The following TRAPPC9 variants were observed in gnomAD, a reference collection of about 807,000 sequenced individuals.
TRAPPC9 encodes the protein trafficking protein particle complex subunit 9, also known as IKK2 binding protein.
A neutral mutation model predicts 124.0 loss-of-function variants in TRAPPC9; 83 were observed. The observed-to-expected ratio is 0.67, with a 90% CI of 0.56 to 0.80. The LOEUF is 0.80. Ranked by LOEUF, TRAPPC9 falls within the 30% of genes least tolerant of loss-of-function variation. The probability of loss-of-function intolerance (pLI) is 0.00; values close to 1 mark genes in which losing one functional copy is unlikely to be tolerated. For synonymous variants in TRAPPC9, 638 were observed against 617.5 expected, an observed-to-expected ratio of 1.03 and a Z score of -0.49; for missense variants, 1,302 against 1,508.3, an observed-to-expected ratio of 0.86 and a Z score of 2.27.
chr8:140,454,765 C>T (rs1300229722), intron 1 of TRAPPC9, among the ~76,000 whole-genome samples: 2 of 151,562 alleles, frequency 1.3e-5, no homozygotes, highest in Non-Finnish European at 2.9e-5. Flanking sequence ...ATGGCAAAAC[C>T]CTTTCTCTAC....
intron 21 of TRAPPC9, among the ~76,000 whole-genome samples, chr8:139,759,912 G>C (rs887970584): frequency 1.3e-5 from 2 of 152,198 alleles, no homozygotes; most frequent in African/African-American, 4.8e-5. Context: ...TCCCAGACCA[G>C]TGCCCACCCA....
At chr8:140,050,256 C>T (rs1841903988) in intron 17 of TRAPPC9, among the ~76,000 whole-genome samples, 1 of 152,222 alleles carries the variant, frequency 6.6e-6, no homozygotes, top group African/African-American at 2.4e-5. Context: ...GCAGAGGATT[C>T]ATTTGAACTT....
At chr8:139,956,569 C>T (rs999034171) in intron 19 of TRAPPC9, among the ~76,000 whole-genome samples, 3 of 152,206 alleles carry the variant, frequency 2.0e-5, no homozygotes, top group Admixed American at 1.3e-4. Context: ...CACGGTGTCT[C>T]GTACATGGCA....
At chr8:140,085,956 T>C (rs1844160065) in intron 17 of TRAPPC9, among the ~76,000 whole-genome samples, 1 of 152,206 alleles carries the variant, frequency 6.6e-6, no homozygotes, top group Admixed American at 6.5e-5. Flanking sequence ...CTGTGGTTTT[T>C]TCTAAGGGTA....
intron 17 of TRAPPC9, among the ~76,000 whole-genome samples, chr8:140,198,366 TC>T (rs2062714331): frequency 6.6e-6 from 1 of 152,098 alleles, no homozygotes; most frequent in South Asian, 2.1e-4. Context: ...ATTCTGACCC[TC>T]CCTGAACCGC....
chr8:139,865,765 C>A (rs751656467), intron 21 of TRAPPC9, among the ~76,000 whole-genome samples: 1 of 152,084 alleles, frequency 6.6e-6, no homozygotes, highest in Admixed American at 6.5e-5. Context: ...AGAGCTGCCC[C>A]GTGTGTGAGC....
intron 21 of TRAPPC9, among the ~76,000 whole-genome samples, chr8:139,843,880 C>T (rs948085556): frequency 3.3e-5 from 5 of 152,350 alleles, no homozygotes; most frequent in African/African-American, 9.6e-5. Flanking sequence ...ACCATGTGCA[C>T]GCTGATTCAC....
In TRAPPC9 at chr8:139,901,470, G is replaced by T. The variant is rs74950804; in HGVS notation, c.2964+8677C>A. Among the ~76,000 whole-genome samples the T allele has an allele frequency of 1.0e-3, 156 of 152,276 alleles. 4 individuals carry two copies. In the East Asian group the frequency reaches 0.029, roughly 28 times the overall value. On this transcript the variant is annotated intron_variant, in intron 20 of 22. Coordinates refer to ENST00000438773, the MANE Select transcript of TRAPPC9 (RefSeq NM_001160372.4). ...CCCAGCGTCTCAGCTGAGCTCCCTG[G>T]TGTGAGAGACCCAACTGGACAGAAG...
chr8:140,072,537 G>A (rs1210348516), intron 17 of TRAPPC9, among the ~76,000 whole-genome samples: 2 of 112,920 alleles, frequency 1.8e-5, no homozygotes, highest in Non-Finnish European at 1.9e-5. Context: ...AGGAGGAGGA[G>A]GAGGAGGAGG....
At chr8:140,176,254 C>A (rs1336314038) in intron 17 of TRAPPC9, among the ~76,000 whole-genome samples, 1 of 152,150 alleles carries the variant, frequency 6.6e-6, no homozygotes, top group Non-Finnish European at 1.5e-5. Context: ...TATCCACTTG[C>A]ACAACTAACA....
chr8:140,024,875 G>C (rs1314173014), intron 17 of TRAPPC9, among the ~76,000 whole-genome samples: 2 of 152,226 alleles, frequency 1.3e-5, no homozygotes, highest in Non-Finnish European at 2.9e-5. Flanking sequence ...CACTTGGGCT[G>C]ACAGTGAGTA....
intron 21 of TRAPPC9, among the ~76,000 whole-genome samples, chr8:139,762,819 C>T (rs1820330202): frequency 6.6e-6 from 1 of 152,214 alleles, no homozygotes; most frequent in African/African-American, 2.4e-5. Context: ...GCGGGACCTT[C>T]AGCCTCTCAT....
chr8:139,757,767 CCTT>C (rs1343079857), intron 21 of TRAPPC9, among the ~76,000 whole-genome samples: 1 of 152,094 alleles, frequency 6.6e-6, no homozygotes, highest in East Asian at 1.9e-4. Flanking sequence ...GCAGAGAGGA[CCTT>C]CTACATCACC....
At chr8:139,996,749 T>C (rs371977092) in intron 18 of TRAPPC9, among the ~76,000 whole-genome samples, 95 of 152,356 alleles carry the variant, frequency 6.2e-4, no homozygotes, top group African/African-American at 2.1e-3. Context: ...TGTTTGTTTG[T>C]TTGCTTTTGA....
chr8:139,771,987 G>C (rs555013262), intron 21 of TRAPPC9, among the ~76,000 whole-genome samples: 1 of 152,368 alleles, frequency 6.6e-6, no homozygotes, highest in East Asian at 1.9e-4. Flanking sequence ...TGAGCTCACA[G>C]TGACAGCCCC....
At chr8:140,368,691 T>G (rs2068192898) in intron 8 of TRAPPC9, among the ~76,000 whole-genome samples, 1 of 152,016 alleles carries the variant, frequency 6.6e-6, no homozygotes, top group Non-Finnish European at 1.5e-5. Context: ...GAGGCTAAAG[T>G]GCTGCGTACA....
At chr8:140,307,813 TCTGC>T (rs1162468380) in intron 10 of TRAPPC9, among the ~76,000 whole-genome samples, 1 of 152,212 alleles carries the variant, frequency 6.6e-6, no homozygotes, top group Non-Finnish European at 1.5e-5. Context: ...CTCCCTTCTT[TCTGC>T]CTTGGATGTA....
intron 21 of TRAPPC9, among the ~76,000 whole-genome samples, chr8:139,860,793 C>A (rs904609087): frequency 6.6e-6 from 1 of 152,262 alleles, no homozygotes. Context: ...CAGCCTCTCT[C>A]CCAGGTTCCT....
chr8:139,936,723 T>G, intron 19 of TRAPPC9, among the ~76,000 whole-genome samples: 1 of 133,614 alleles, frequency 7.5e-6, no homozygotes, highest in Non-Finnish European at 1.6e-5. Flanking sequence ...GGGACTGCAG[T>G]GTGGTATAAA....
Sources: allele counts gnomAD v4.1 joint callset (sites outside exome capture counted in the v4.1 genomes callset), GRCh38; gene constraint gnomAD v4.1.1; transcripts MANE v1.5; gene names NCBI Gene and HGNC (gene_info 2026-07-23, HGNC 2026-07-21).